KLHL1: variants seen among roughly 807,000 people sequenced by gnomAD.
KLHL1 encodes kelch-like protein 1.
A neutral mutation model predicts 77.7 loss-of-function variants in KLHL1; 47 were observed. The observed-to-expected ratio is 0.60, with a 90% CI of 0.48 to 0.77. The LOEUF is 0.77. Among genes scored for constraint, KLHL1 ranks in the 30% least tolerant of loss-of-function variants. KLHL1 has a pLI of 0.00. For synonymous variants in KLHL1, 360 were observed against 325.2 expected (o/e 1.11, Z -1.15); for missense variants, 925 against 910.8 (o/e 1.02, Z -0.20).
At chr13:69,703,188 G>A (rs74092456) in intron 10 of KLHL1, among the ~76,000 whole-genome samples, 27,523 of 151,432 alleles carry the variant, frequency 0.18, 2,816 homozygotes, top group African/African-American at 0.27. Context: ...GGTCCCATAA[G>A]ATTATAATGG....
At chr13:69,783,015 T>C (rs1876311741) in intron 7 of KLHL1, among the ~76,000 whole-genome samples, 1 of 152,190 alleles carries the variant, frequency 6.6e-6, no homozygotes, top group Non-Finnish European at 1.5e-5. Flanking sequence ...AGATCTGCTG[T>C]TCTACAGCCA....
chr13:69,764,667 G>A (rs1875183719), intron 7 of KLHL1, among the ~76,000 whole-genome samples: 1 of 152,076 alleles, frequency 6.6e-6, no homozygotes, highest in Non-Finnish European at 1.5e-5. Context: ...CCTGCTCAAT[G>A]AGTGATCCTG....
intron 2 of KLHL1, among the ~76,000 whole-genome samples, chr13:69,964,479 T>G (rs966240521): frequency 6.6e-6 from 1 of 152,168 alleles, no homozygotes; most frequent in Non-Finnish European, 1.5e-5. Context: ...GACTTAATAT[T>G]TACTCAGCAT....
intron 7 of KLHL1, among the ~76,000 whole-genome samples, chr13:69,759,127 G>A (rs1874902517): frequency 6.6e-6 from 1 of 152,050 alleles, no homozygotes; most frequent in South Asian, 2.1e-4. Flanking sequence ...AGGAAGATGG[G>A]TCTATATTAA....
At chr13:70,028,950 C>A (rs1886023021) in intron 1 of KLHL1, among the ~76,000 whole-genome samples, 1 of 148,790 alleles carries the variant, frequency 6.7e-6, no homozygotes, top group African/African-American at 2.5e-5. Flanking sequence ...GCACTGCATT[C>A]CAGCTTGGAT....
At chr13:69,982,984 G>T (rs1351259511) in intron 1 of KLHL1, among the ~76,000 whole-genome samples, 2 of 152,042 alleles carry the variant, frequency 1.3e-5, no homozygotes, top group Non-Finnish European at 2.9e-5. Context: ...CCTAAAATCT[G>T]TTAGAAATAA....
intron 7 of KLHL1, among the ~76,000 whole-genome samples, chr13:69,765,444 G>A (rs1848089201): frequency 6.6e-6 from 1 of 151,980 alleles, no homozygotes; most frequent in Non-Finnish European, 1.5e-5. Context: ...ACTAATTTCA[G>A]GTAAGATAAT....
chr13:69,895,197 C>T, intron 4 of KLHL1: 1 of 493,250 alleles, frequency 2.0e-6, no homozygotes, highest in Admixed American at 2.3e-5. Context: ...TTAACAGGCA[C>T]TGAATGTGAG....
At chr13:69,842,589 G>C (rs925643624) in intron 5 of KLHL1, among the ~76,000 whole-genome samples, 1 of 151,816 alleles carries the variant, frequency 6.6e-6, no homozygotes, top group African/African-American at 2.4e-5. Context: ...GTGTTTGTTG[G>C]AAGGTAAACT....
chr13:69,711,079 C>A (rs1875854288), intron 9 of KLHL1, among the ~76,000 whole-genome samples: 1 of 151,932 alleles, frequency 6.6e-6, no homozygotes, highest in South Asian at 2.1e-4. Flanking sequence ...TTTAAGAAAC[C>A]ATTAATTTTT....
intron 6 of KLHL1, among the ~76,000 whole-genome samples, chr13:69,832,575 T>C (rs1330019250): frequency 2.9e-5 from 4 of 136,572 alleles, no homozygotes; most frequent in Admixed American, 1.5e-4. Context: ...TTTTCATTCT[T>C]CATAGAACTT....
chr13:69,864,308 A>T (rs1397233304), intron 5 of KLHL1, among the ~76,000 whole-genome samples: 1 of 151,690 alleles, frequency 6.6e-6, no homozygotes, highest in Admixed American at 6.6e-5. Flanking sequence ...TATTATAAGA[A>T]AAATCATTAA....
chr13:69,800,434 C>G (rs1343763976), intron 6 of KLHL1, among the ~76,000 whole-genome samples: 1 of 152,098 alleles, frequency 6.6e-6, no homozygotes, highest in African/African-American at 2.4e-5. Flanking sequence ...AGTCTTCAAT[C>G]TTGCTCAGTT....
intron 6 of KLHL1, among the ~76,000 whole-genome samples, chr13:69,808,319 A>G (rs941891417): frequency 6.6e-6 from 1 of 151,978 alleles, no homozygotes; most frequent in African/African-American, 2.4e-5. Flanking sequence ...TCCCACCACT[A>G]CCTACTGTCT....
rs1191354793 is a variant in KLHL1 at position 70,108,046 on chromosome 13, C to A, written c.-347G>T. The A allele has an allele frequency of 2.4e-6, 1 of 421,982 alleles. No individual in the cohort carries two copies. 26.1% of individuals were successfully genotyped at this position (421,982 alleles called of 1,614,324 possible). On this transcript the variant is annotated 5_prime_UTR_variant, in exon 1 of 11. Transcript: ENST00000377844. ...TGGGACAACCCTTAGGCTGGAGATG[C>A]GCGAGGGAGGGAGGTCTGAGCGCTC...
chr13:69,974,015 C>T (rs1184095738), intron 2 of KLHL1, among the ~76,000 whole-genome samples: 3 of 151,872 alleles, frequency 2.0e-5, no homozygotes, highest in Admixed American at 6.6e-5. Context: ...AAAACTTTCC[C>T]CTGGTCTTCT....
intron 1 of KLHL1, among the ~76,000 whole-genome samples, chr13:69,992,770 G>A (rs760647949): frequency 1.3e-5 from 2 of 151,810 alleles, no homozygotes; most frequent in Admixed American, 6.6e-5. Flanking sequence ...TTATACTAAC[G>A]CTCTTCCTTT....
At chr13:70,043,175 A>G (rs190591596) in intron 1 of KLHL1, among the ~76,000 whole-genome samples, 14 of 152,160 alleles carry the variant, frequency 9.2e-5, no homozygotes, top group Non-Finnish European at 2.1e-4. Context: ...AAATGCTGGG[A>G]TTACAGACAT....
chr13:69,877,849 C>A (rs1163907185), intron 5 of KLHL1, among the ~76,000 whole-genome samples: 1 of 152,076 alleles, frequency 6.6e-6, no homozygotes, highest in African/African-American at 2.4e-5. Context: ...GTTATATTTT[C>A]TACACCAAAT....
Sources: gnomAD v4.1 joint callset for allele counts (sites outside exome capture counted in the v4.1 genomes callset) on GRCh38, gnomAD v4.1.1 for gene constraint, MANE v1.5 for transcripts, NCBI Gene and HGNC (gene_info 2026-07-23, HGNC 2026-07-21) for gene names.